The following ADGRV1 variants were observed in gnomAD, a reference collection of about 807,000 sequenced individuals.
The protein encoded by ADGRV1 is G-protein coupled receptor 98.
A neutral mutation model predicts 596.2 loss-of-function variants in ADGRV1; 359 were observed. The observed-to-expected ratio is 0.60, with a 90% CI of 0.55 to 0.66. The LOEUF is 0.66. Ranked by LOEUF, ADGRV1 falls within the 30% of genes least tolerant of loss-of-function variation. The pLI is 0.00. For missense variants in ADGRV1, 7,274 were observed against 7,575.6 expected, an observed-to-expected ratio of 0.96 and a Z score of 1.48; for synonymous variants, 2,681 against 2,679.2, an observed-to-expected ratio of 1.00 and a Z score of -0.02.
intron 1 of ADGRV1, among the ~76,000 whole-genome samples, chr5:90,571,958 C>T (rs184448971): frequency 6.6e-6 from 1 of 152,274 alleles, no homozygotes; most frequent in East Asian, 1.9e-4. Context: ...AGCATTGATT[C>T]TGACAGTTTT....
chr5:90,658,500 C>G (rs1769744274), intron 21 of ADGRV1, among the ~76,000 whole-genome samples: 2 of 152,118 alleles, frequency 1.3e-5, no homozygotes, highest in Admixed American at 1.3e-4. Flanking sequence ...AACAAGTTAG[C>G]AAATGAAACT....
intron 20 of ADGRV1, among the ~76,000 whole-genome samples, chr5:90,657,251 G>A (rs1228887427): frequency 6.6e-6 from 1 of 151,118 alleles, no homozygotes; most frequent in Non-Finnish European, 1.5e-5. Context: ...GCAAGACCCT[G>A]TCTCTACAAA....
intron 10 of ADGRV1, among the ~76,000 whole-genome samples, chr5:90,635,843 C>T (rs1224126105): frequency 1.3e-5 from 2 of 151,904 alleles, no homozygotes; most frequent in Non-Finnish European, 2.9e-5. Flanking sequence ...AGTCCACCTC[C>T]CTTGGCCTTC....
intron 86 of ADGRV1, among the ~76,000 whole-genome samples, chr5:91,100,818 G>T (rs1791312037): frequency 6.6e-6 from 1 of 152,160 alleles, no homozygotes; most frequent in Non-Finnish European, 1.5e-5. Flanking sequence ...GATGAACTCA[G>T]CATCCCTTCT....
At position 90,829,009 on chromosome 5, in the gene ADGRV1, C is replaced by T. The variant is rs754706898; in HGVS notation, c.16434C>T (p.Asn5478=). 1.2e-6 allele frequency: 2 copies of T among 1,607,608 alleles called. No individual in the cohort carries two copies. The highest frequency in any genetic ancestry group is 8.5e-7 in the Non-Finnish European group (1 of 1,176,152). Residue 5478 remains asparagine (N), a synonymous_variant, in exon 77 of 90, where the codon AAC becomes AAT. Transcript: ENST00000405460. The stretch of plus-strand genomic sequence containing the variant: ...AAGCTACTGCTGGAGCAGCAATAAA[C>T]AACAGTGCCAGATTCGCACAGATTA... ...LYEATAGAAI[N]NSARFAQIKI... is the part of the protein sequence containing the mutation.
At chr5:90,661,149 T>C (rs4916813) in intron 21 of ADGRV1, among the ~76,000 whole-genome samples, 112,628 of 152,124 alleles carry the variant, frequency 0.74, 42,826 homozygotes, top group African/African-American at 0.91. Context: ...GTTCTGTGTA[T>C]TTCCTATGTT....
Position 90,855,810 on chromosome 5 carries a change from A to G in ADGRV1, c.17664A>G (p.Ser5888=), listed in dbSNP as rs1766969535. 2 of 1,610,484 alleles carry G rather than the reference A, an allele frequency of 1.2e-6. No homozygotes were observed. Among genetic ancestry groups the G allele is most frequent in the South Asian group, 1.1e-5 (1 of 90,626 alleles). Residue 5888 remains serine (S), a synonymous_variant, in exon 82 of 90, where the codon TCA becomes TCG. Coordinates refer to ENST00000405460, the MANE Select transcript of ADGRV1 (RefSeq NM_032119.4). ...CAGACTATGTGGAATGTGCCTGTTCACACATGTCTGTGTATGCTGTCTATG... is the reference window on the plus strand; with the variant it reads ...CAGACTATGTGGAATGTGCCTGTTCGCACATGTCTGTGTATGCTGTCTATG... The part of the protein sequence containing the change: ...ETADYVECAC[S]HMSVYAVYAR...
intron 14 of ADGRV1, among the ~76,000 whole-genome samples, chr5:90,644,353 G>A (rs1333412602): frequency 6.6e-6 from 1 of 152,206 alleles, no homozygotes; most frequent in African/African-American, 2.4e-5. Context: ...GTCTGGATAA[G>A]GAAATCACAC....
chr5:91,092,775 T>G (rs1160495692), intron 86 of ADGRV1: 1 of 152,110 alleles, frequency 6.6e-6, no homozygotes, highest in Non-Finnish European at 1.5e-5. Context: ...CCATGGTTGC[T>G]CTTTGAAAAA....
chr5:91,032,892 C>A (rs1486811916), intron 85 of ADGRV1, among the ~76,000 whole-genome samples: 1 of 151,890 alleles, frequency 6.6e-6, no homozygotes, highest in Non-Finnish European at 1.5e-5. Context: ...GTATTAGTAC[C>A]CCAGCTTTCT....
chr5:90,770,868 A>G (rs1434239114), intron 59 of ADGRV1, among the ~76,000 whole-genome samples: 1 of 152,136 alleles, frequency 6.6e-6, no homozygotes, highest in Non-Finnish European at 1.5e-5. Flanking sequence ...GTATCCAAAC[A>G]TATGTGTCTT....
At chr5:91,052,382 T>C (rs1382935167) in intron 85 of ADGRV1, among the ~76,000 whole-genome samples, 1 of 151,930 alleles carries the variant, frequency 6.6e-6, no homozygotes, top group Non-Finnish European at 1.5e-5. Flanking sequence ...AGTGTTTTGT[T>C]AATAGCACTG....
intron 85 of ADGRV1, among the ~76,000 whole-genome samples, chr5:91,028,607 C>T (rs1176357811): frequency 6.6e-6 from 1 of 152,076 alleles, no homozygotes; most frequent in Non-Finnish European, 1.5e-5. Context: ...ACTATCTTGC[C>T]CTCCTCCAGT....
intron 1 of ADGRV1, among the ~76,000 whole-genome samples, chr5:90,570,188 A>G (rs1421235223): frequency 2.0e-5 from 3 of 152,086 alleles, no homozygotes; most frequent in Non-Finnish European, 4.4e-5. Context: ...TTTCTTCTTA[A>G]TTTTGGAATG....
intron 84 of ADGRV1, among the ~76,000 whole-genome samples, chr5:90,971,955 C>T (rs566370437): frequency 6.6e-6 from 1 of 152,124 alleles, no homozygotes; most frequent in Admixed American, 6.5e-5. Context: ...TTCAGGAGAC[C>T]CATCTCATGG....
In ADGRV1 at chr5:90,656,499, G is replaced by A. The variant is rs78625315; in HGVS notation, c.4379-1406G>A. Among the ~76,000 whole-genome samples, 79 of 152,258 alleles carry A rather than the reference G, an allele frequency of 5.2e-4. No individual in the cohort carries two copies. The East Asian group carries it at 0.014, about 26-fold the overall frequency. On this transcript the variant is annotated intron_variant, in intron 20 of 89. Coordinates refer to ENST00000405460, the MANE Select transcript of ADGRV1 (RefSeq NM_032119.4). ...ATGATGTGGTTTTGTGAGAATCAGG[G>A]GAACTTATATCATTACAGTTGCCAG... is the stretch of plus-strand genomic sequence containing the variant.
In ADGRV1 at chr5:90,646,069, T is replaced by C. The variant is rs765352823; in HGVS notation, c.3000T>C (p.Asn1000=). Residue 1000 remains asparagine (N), a synonymous_variant, in exon 16 of 90, where the codon AAT becomes AAC. Coordinates refer to ENST00000405460, the MANE Select transcript of ADGRV1 (RefSeq NM_032119.4). ...RTTATLRIRR[N]DDPIYFAEPR... is the part of the protein sequence containing the mutation. ...CTGCAACTCTGAGGATTAGAAGAAA[T>C]GATGACCCCATTTATTTTGCAGGTG... 3.8e-6 allele frequency: 6 copies of C among 1,586,032 alleles called. No individual in the cohort carries two copies. Among genetic ancestry groups the C allele is most frequent in the Non-Finnish European group, 4.3e-6 (5 of 1,165,188 alleles).
chr5:90,579,556 G>A (rs1344031106), intron 1 of ADGRV1, among the ~76,000 whole-genome samples: 1 of 152,212 alleles, frequency 6.6e-6, no homozygotes. Flanking sequence ...TAAGTGTGAT[G>A]TGGTGCTGAG....
Position 90,694,628 on chromosome 5 carries a change from G to A in ADGRV1, c.7872G>A (p.Trp2624Ter). Residue 2624 changes from tryptophan (W) to a stop codon, truncating the protein, a stop_gained, in exon 33 of 90, where the codon TGG (tryptophan) becomes TGA (stop). Transcript: ENST00000405460. LOFTEE classifies it high-confidence loss of function. The part of the protein sequence containing the change: ...GGSLGQVAVE[W>*]RVVGGTATEG... ...GCTTAGGTCAAGTGGCAGTCGAATG[G>A]CGTGTTGTTGGTGGAACAGCTACTG... The A allele has an allele frequency of 6.2e-7, 1 of 1,613,696 alleles. No homozygotes were observed. The highest frequency in any genetic ancestry group is 8.5e-7 in the Non-Finnish European group (1 of 1,179,738).
Sources: gnomAD v4.1 joint callset for allele counts (sites outside exome capture counted in the v4.1 genomes callset) on GRCh38, gnomAD v4.1.1 for gene constraint, MANE v1.5 for transcripts, NCBI Gene and HGNC (gene_info 2026-07-23, HGNC 2026-07-21) for gene names.